ANO8: variants seen among roughly 807,000 people sequenced by gnomAD.
ANO8 encodes anoctamin-8.
In ANO8, 67 loss-of-function variants were observed where a neutral mutation model predicts 120.4. That is an observed-to-expected ratio of 0.56 (90% CI 0.46 to 0.68). The LOEUF is 0.68. ANO8 is among the 30% of genes least tolerant of loss of function. ANO8 has a pLI of 0.00. For missense variants in ANO8, 1,526 were observed against 1,737.6 expected (o/e 0.88, Z 2.16); for synonymous variants, 727 against 759.2 (o/e 0.96, Z 0.70).
chr19:17,334,707 C>G lies in ANO8; in HGVS notation c.-37G>C. 2.2e-6 allele frequency: 3 copies of G among 1,342,292 alleles called. No individual in the cohort carries two copies. Among genetic ancestry groups the G allele is most frequent in the Non-Finnish European group, 2.9e-6 (3 of 1,048,900 alleles). 83.1% of individuals were successfully genotyped at this position (1,342,292 alleles called of 1,614,324 possible). On this transcript the variant is annotated 5_prime_UTR_variant, in exon 1 of 18. Coordinates refer to ENST00000159087, the MANE Select transcript of ANO8 (RefSeq NM_020959.3). ...GTCAGGTCAGGGGCTACGGACGGCC[C>G]GGGCGACGGGGAGCCGCGGGCTCAT... is the stretch of plus-strand genomic sequence containing the variant.
intron 16 of ANO8, among the ~76,000 whole-genome samples, chr19:17,326,015 G>C (rs1465765279): frequency 6.6e-6 from 1 of 152,210 alleles, no homozygotes; most frequent in Non-Finnish European, 1.5e-5. Flanking sequence ...GAGAGATTCC[G>C]AGGCTTATTG....
chr19:17,324,830 G>T lies in ANO8; in HGVS notation c.3218C>A (p.Ala1073Asp). Residue 1073 changes from alanine to aspartate, a missense_variant, in exon 17 of 18, where the codon GCC becomes GAC. Physicochemically the swap from Ala to Asp is moderately radical, Grantham distance 126. Transcript: ENST00000159087. ...ACTGCTGGGGGTCCCATCTGGCCGG[G>T]CCTGCCCGCCCGCCCCGTTGGACCC... ...EPGSNGAGGQARPDGTPSSGS... is the reference protein window; with the variant it reads ...EPGSNGAGGQDRPDGTPSSGS... The T allele has an allele frequency of 6.2e-7, 1 of 1,610,872 alleles. No homozygotes were observed. Among genetic ancestry groups the T allele is most frequent in the East Asian group, 2.2e-5 (1 of 44,836 alleles).
Position 17,328,499 on chromosome 19 carries a change from C to A in ANO8, c.1889G>T (p.Gly630Val). The change falls in exon 13 of 18, where the codon GGC becomes GTC. Residue 630 changes from glycine to valine, a missense_variant. Gly to Val is a moderately radical substitution (Grantham distance 109). Coordinates refer to ENST00000159087, the MANE Select transcript of ANO8 (RefSeq NM_020959.3). ...CTCCAGGAGGGCCTCCGGGCTTGGG[C>A]CGGGCCGACGCCGCCCCGCGCCGCG... ...AERGAGRRRP[G>V]PSPEALLEEG... The A allele has an allele frequency of 6.4e-7, 1 of 1,556,248 alleles. No homozygotes were observed. The highest frequency in any genetic ancestry group is 2.4e-5 in the East Asian group (1 of 41,864).
intron 1 of ANO8, among the ~76,000 whole-genome samples, 173 bp downstream of exon 1, chr19:17,334,392 G>A (rs542823196): frequency 3.7e-4 from 56 of 152,306 alleles, no homozygotes; most frequent in African/African-American, 1.3e-3. Flanking sequence ...ACCCCAGCCC[G>A]AAGCACCGTC....
rs1156251770 is a variant in ANO8 at position 17,323,429 on chromosome 19, G to C, written c.*88C>G. The C allele has an allele frequency of 1.6e-6, 2 of 1,261,098 alleles. No homozygotes were observed. Among genetic ancestry groups the C allele is most frequent in the Admixed American group, 6.2e-5 (2 of 32,012 alleles). 78.1% of individuals were successfully genotyped at this position (1,261,098 alleles called of 1,614,324 possible). On this transcript the variant is annotated 3_prime_UTR_variant, in exon 18 of 18. Transcript: ENST00000159087. ...CCGACCAATACTGGGGGCCCTCGGG[G>C]GCTGAAGCGCATTTTGCATTTTGGA...
intron 12 of ANO8, chr19:17,329,281 C>T: frequency 2.5e-6 from 1 of 396,022 alleles, no homozygotes; most frequent in East Asian, 4.3e-5. Context: ...GCCGCCTGCA[C>T]CTGCTTGCTG....
rs2074293129 is a variant in ANO8 at position 17,328,627 on chromosome 19, G to C, written c.1761C>G (p.Asp587Glu). 2 of 1,528,506 alleles carry C rather than the reference G, an allele frequency of 1.3e-6. No individual in the cohort carries two copies. The highest frequency in any genetic ancestry group is 8.8e-7 in the Non-Finnish European group (1 of 1,135,420). The allele number at this position is 1,528,506 out of a possible 1,614,324, so 94.7% of individuals were successfully genotyped here. The change falls in exon 13 of 18, where the codon GAC (aspartate) becomes GAG (glutamate). Residue 587 changes from aspartate to glutamate, a missense_variant. By Grantham distance (45) the Asp-to-Glu change is conservative. Around this residue, in one of 8 missense-constraint regions of ANO8, gnomAD observed 467 missense variants for 425.8 expected, o/e 1.10. Coordinates refer to ENST00000159087, the MANE Select transcript of ANO8 (RefSeq NM_020959.3). ...PPGGKEEDEDDEEEEDEEEEE... is the reference protein window; with the variant it reads ...PPGGKEEDEDEEEEEDEEEEE... ...CTTCCTCCTCGTCCTCCTCCTCCTC[G>C]TCGTCCTCGTCCTCCTCCTTGCCCC...
Position 17,325,131 on chromosome 19 carries a change from T to C in ANO8, c.2917A>G (p.Asn973Asp). The C allele has an allele frequency of 6.2e-7, 1 of 1,613,658 alleles. No homozygotes were observed. Among genetic ancestry groups the C allele is most frequent in the Non-Finnish European group, 8.5e-7 (1 of 1,179,940 alleles). Residue 973 changes from asparagine (N) to aspartate (D), a missense_variant, in exon 17 of 18, where the codon AAC becomes GAC. Around this residue, in one of 8 missense-constraint regions of ANO8, gnomAD observed 489 missense variants for 548.6 expected, o/e 0.89. Coordinates refer to ENST00000159087, the MANE Select transcript of ANO8 (RefSeq NM_020959.3). ...PKRPGSLLAPNNVMKLKQIIP... is the reference protein window; with the variant it reads ...PKRPGSLLAPDNVMKLKQIIP... ...ATCTGCTTCAACTTCATGACGTTGT[T>C]GGGTGCCAGCAGGGACCCTGGGCGC... is the stretch of plus-strand genomic sequence containing the variant.
At position 17,325,350 on chromosome 19, in the gene ANO8, G is replaced by T; in HGVS notation, c.2698C>A (p.Gln900Lys). ...ERQAQHRYQQQQRRRREEEER... is the reference protein window; with the variant it reads ...ERQAQHRYQQKQRRRREEEER... ...TCCTCCTCCCGCCGCCTGCGCTGCT[G>T]CTGCTGGTAGCGATGCTGGGCCTGG... The change falls in exon 17 of 18, where the codon CAG becomes AAG. Residue 900 changes from glutamine to lysine, a missense_variant. Gln to Lys is a moderately conservative substitution (Grantham distance 53, BLOSUM62 1). Coordinates refer to ENST00000159087, the MANE Select transcript of ANO8 (RefSeq NM_020959.3). The T allele has an allele frequency of 1.3e-6, 2 of 1,598,134 alleles. No homozygotes were observed.
Position 17,323,710 on chromosome 19 carries a change from G to A in ANO8, c.3506C>T (p.Ala1169Val). Reference sequence around the variant, plus strand: ...GGCACAGGGTGGGCACTCGGCAGCGGCCAGGGCCTGGCGGGGGGCGGCACC... The same window carrying A: ...GGCACAGGGTGGGCACTCGGCAGCGACCAGGGCCTGGCGGGGGGCGGCACC... ...GEGAAPRQALAAAECPPCAMA... is the reference protein window; with the variant it reads ...GEGAAPRQALVAAECPPCAMA... The change falls in exon 18 of 18, where the codon GCC becomes GTC. Residue 1169 changes from alanine (A) to valine (V), a missense_variant. This residue lies in a region of ANO8 where 489 missense variants were observed against 548.6 expected (regional missense o/e 0.89). Coordinates refer to ENST00000159087, the MANE Select transcript of ANO8 (RefSeq NM_020959.3). The A allele has an allele frequency of 8.2e-7, 1 of 1,213,746 alleles. No homozygotes were observed. The highest frequency in any genetic ancestry group is 1.0e-6 in the Non-Finnish European group (1 of 975,882). The allele number at this position is 1,213,746 out of a possible 1,614,324, so 75.2% of individuals were successfully genotyped here. A position where few individuals can be genotyped will look rare whatever the true frequency, so the allele number is the denominator to read the frequency against.
At chr19:17,331,038 A>G (rs1179101002) in intron 7 of ANO8, 49 bp from the exon 8 acceptor site, 2 of 1,613,704 alleles carry the variant, frequency 1.2e-6, no homozygotes, top group South Asian at 2.2e-5. Flanking sequence ...CAGTCCAGAA[A>G]GGAGGGCGCC....
In ANO8 at chr19:17,330,257, G is replaced by A; in HGVS notation, c.1147-6C>T. ...TTCACGCTCAGCACCAGCTCCTGCG[G>A]GAGAAGGGGGTTCAGGGCTCATCCC... On this transcript the variant is annotated splice_polypyrimidine_tract_variant and splice_region_variant and intron_variant, in intron 9 of 17. Transcript: ENST00000159087. The A allele has an allele frequency of 1.2e-6, 2 of 1,613,966 alleles. No individual in the cohort carries two copies. Among genetic ancestry groups the A allele is most frequent in the Non-Finnish European group, 1.7e-6 (2 of 1,179,984 alleles).
intron 5 of ANO8, among the ~76,000 whole-genome samples, chr19:17,332,483 G>A (rs983126346): frequency 6.6e-6 from 1 of 152,124 alleles, no homozygotes; most frequent in African/African-American, 2.4e-5. Context: ...GGTGAACTTG[G>A]GTGCCTAGTT....
intron 5 of ANO8, among the ~76,000 whole-genome samples, chr19:17,332,159 T>A (rs1462420067): frequency 6.7e-6 from 1 of 149,076 alleles, no homozygotes; most frequent in Non-Finnish European, 1.5e-5. Context: ...ATGGTCTCGA[T>A]CTCCTGACCT....
chr19:17,331,044 G>A (rs774065278), intron 7 of ANO8, 44 bp downstream of exon 7: 3 of 1,613,618 alleles, frequency 1.9e-6, no homozygotes, highest in Non-Finnish European at 2.5e-6. Flanking sequence ...AGAAAGGAGG[G>A]CGCCTCTGGA....
Position 17,324,877 on chromosome 19 carries a change from A to G in ANO8, c.3171T>C (p.Phe1057=), listed in dbSNP as rs763023361. ...ACCCAGGCTCAGCCCGGGTGCCACC[A>G]AAGGGGAAGAGCTTGCCAGCATGGA... ...KAFHAGKLFP[F]GGTRAEPGSN... is the part of the protein sequence containing the mutation. The change falls in exon 17 of 18, where the codon TTT becomes TTC. Residue 1057 remains phenylalanine (F), a synonymous_variant. Transcript: ENST00000159087. 15 of 1,612,898 alleles carry G rather than the reference A, an allele frequency of 9.3e-6. No individual in the cohort carries two copies. The highest frequency in any genetic ancestry group is 1.2e-5 in the Non-Finnish European group (14 of 1,179,748).
At position 17,334,761 on chromosome 19, in the gene ANO8, G is replaced by A. The variant is rs1446235614; in HGVS notation, c.-91C>T. 1.6e-6 allele frequency: 2 copies of A among 1,220,336 alleles called. No homozygotes were observed. Among genetic ancestry groups the A allele is most frequent in the South Asian group, 3.7e-5 (2 of 54,202 alleles). The allele number at this position is 1,220,336 out of a possible 1,614,324, so 75.6% of individuals were successfully genotyped here. A position where few individuals can be genotyped will look rare whatever the true frequency, so the allele number is the denominator to read the frequency against. On this transcript the variant is annotated 5_prime_UTR_variant, in exon 1 of 18. Transcript: ENST00000159087. The stretch of plus-strand genomic sequence containing the variant: ...GCCGGTGCAGCCGCGGAGCGCGCGG[G>A]AGGAGGAGACAAAGGCCGCGCCCGC...
intron 17 of ANO8, 100 bp from the exon 18 acceptor site, chr19:17,323,984 A>T (rs2074256386): frequency 9.7e-7 from 1 of 1,030,146 alleles, no homozygotes. Flanking sequence ...ATCCAGGCAC[A>T]TAAAGGCCTT....
chr19:17,334,461 A>C (rs922408877), intron 1 of ANO8, 104 bp downstream of exon 1: 7 of 1,066,782 alleles, frequency 6.6e-6, no homozygotes, highest in Admixed American at 2.4e-5. Context: ...CCTCGTCCAG[A>C]CACCACGCCA....
Sources: allele counts gnomAD v4.1 joint callset (sites outside exome capture counted in the v4.1 genomes callset), GRCh38; gene constraint gnomAD v4.1.1; regional missense constraint gnomAD v4.1.1; transcripts MANE v1.5; gene names NCBI Gene and HGNC (gene_info 2026-07-23, HGNC 2026-07-21).